Variants in IL1RAPL1 observed in about 807,000 individuals in gnomAD.
The protein encoded by IL1RAPL1 is interleukin-1 receptor accessory protein-like 1.
A neutral mutation model predicts 48.4 loss-of-function variants in IL1RAPL1; 3 were observed. The ratio of observed to expected loss-of-function variants is 0.06; its 90% confidence interval spans 0.03 to 0.16. The LOEUF is 0.16. Among genes scored for constraint, IL1RAPL1 ranks in the 10% least tolerant of loss-of-function variants. The pLI is 1.00. For synonymous variants in IL1RAPL1, 185 were observed against 187.7 expected (o/e 0.99, Z 0.12); for missense variants, 349 against 530.6 (o/e 0.66, Z 3.36).
At chrX:29,942,744 C>T (rs1933152087) in intron 9 of IL1RAPL1, among the ~76,000 whole-genome samples, 1 of 109,087 alleles carries the variant, frequency 9.2e-6, no homozygotes, top group Non-Finnish European at 1.9e-5. Flanking sequence ...TTCAACCTCC[C>T]GAGTAGCTGG....
At chrX:29,003,051 T>G (rs759117849) in intron 2 of IL1RAPL1, among the ~76,000 whole-genome samples, 1 of 110,670 alleles carries the variant, frequency 9.0e-6, no homozygotes, top group African/African-American at 3.3e-5. Context: ...CCTAGGAGAA[T>G]AATAAATATA....
chrX:29,531,518 G>A (rs748701219), intron 5 of IL1RAPL1, among the ~76,000 whole-genome samples: 1 of 111,986 alleles, frequency 8.9e-6, no homozygotes, highest in African/African-American at 3.2e-5. Flanking sequence ...TTTAAATCAA[G>A]TCATGGTCTT....
chrX:29,475,077 T>TA (rs752390653), intron 5 of IL1RAPL1, among the ~76,000 whole-genome samples: 34 of 112,496 alleles, frequency 3.0e-4, no homozygotes, highest in African/African-American at 1.0e-3. Context: ...GCTCCAGAAA[T>TA]ATTTGTTACG....
At chrX:29,191,863 T>C (rs931546905) in intron 2 of IL1RAPL1, among the ~76,000 whole-genome samples, 2 of 111,734 alleles carry the variant, frequency 1.8e-5, no homozygotes, top group African/African-American at 3.3e-5. Context: ...TGCTGAGGCA[T>C]GTGGCCCTTA....
At chrX:29,788,814 G>A (rs1264193441) in intron 6 of IL1RAPL1, among the ~76,000 whole-genome samples, 1 of 111,494 alleles carries the variant, frequency 9.0e-6, no homozygotes, top group Non-Finnish European at 1.9e-5. Flanking sequence ...ATACTTAAAT[G>A]GTCAAACCAA....
At chrX:29,449,780 C>CACACACAGAGAGAGAGAG (rs557765024) in intron 5 of IL1RAPL1, among the ~76,000 whole-genome samples, 17 of 58,247 alleles carry the variant, frequency 2.9e-4, no homozygotes, top group African/African-American at 1.1e-3. Context: ...CACACACACA[C>CACACACAGAGAGAGAGAG]AGAGAGAGAG....
intron 1 of IL1RAPL1, among the ~76,000 whole-genome samples, chrX:28,763,253 C>T (rs1459065312): frequency 1.8e-5 from 2 of 111,110 alleles, no homozygotes; most frequent in South Asian, 3.8e-4. Flanking sequence ...GCTGAGCAGC[C>T]GAAAACAATG....
At chrX:29,558,032 A>T (rs1922062269) in intron 5 of IL1RAPL1, among the ~76,000 whole-genome samples, 1 of 111,518 alleles carries the variant, frequency 9.0e-6, no homozygotes, top group Non-Finnish European at 1.9e-5. Context: ...CACTGATCTC[A>T]TTTCCTTTGG....
intron 2 of IL1RAPL1, among the ~76,000 whole-genome samples, chrX:29,039,614 C>T (rs16988416): frequency 0.021 from 2,318 of 109,938 alleles, 59 homozygotes; most frequent in African/African-American, 0.072. Flanking sequence ...CTACTTTGTC[C>T]CCTTTGTGCT....
chrX:29,319,554 G>GTATC (rs529502758), intron 3 of IL1RAPL1, among the ~76,000 whole-genome samples: 4,079 of 84,692 alleles, frequency 0.048, 188 homozygotes, highest in East Asian at 0.19. Context: ...ATGTATGTAT[G>GTATC]TATGTATCTA....
intron 5 of IL1RAPL1, among the ~76,000 whole-genome samples, chrX:29,650,925 A>G: frequency 9.0e-6 from 1 of 111,160 alleles, no homozygotes; most frequent in East Asian, 2.8e-4. Context: ...AAACAACTCA[A>G]TAGAAAAAAG....
chrX:29,205,551 A>G (rs1930646411), intron 2 of IL1RAPL1, among the ~76,000 whole-genome samples: 1 of 110,735 alleles, frequency 9.0e-6, no homozygotes, highest in African/African-American at 3.3e-5. Context: ...CAACTGTATA[A>G]CATTATCAAA....
intron 1 of IL1RAPL1, among the ~76,000 whole-genome samples, chrX:28,762,784 GCGCA>G (rs1936187633): frequency 1.8e-5 from 1 of 54,374 alleles, no homozygotes; most frequent in Admixed American, 2.4e-4. Context: ...ACGCACGCGC[GCGCA>G]CACACACACA....
At chrX:29,626,200 T>C (rs1206514393) in intron 5 of IL1RAPL1, among the ~76,000 whole-genome samples, 1 of 112,408 alleles carries the variant, frequency 8.9e-6, no homozygotes, top group East Asian at 2.8e-4. Flanking sequence ...ATTACTCATA[T>C]TGAGATACAA....
intron 3 of IL1RAPL1, among the ~76,000 whole-genome samples, chrX:29,376,373 G>GTTT (rs200402677): frequency 9.4e-6 from 1 of 106,362 alleles, no homozygotes. Context: ...TATTTGTATA[G>GTTT]TTTTATTTTT....
At chrX:28,817,989 T>C (rs576540576) in intron 2 of IL1RAPL1, among the ~76,000 whole-genome samples, 2 of 110,929 alleles carry the variant, frequency 1.8e-5, no homozygotes, top group Middle Eastern at 4.6e-3. Flanking sequence ...ATAATTTTCA[T>C]GACTGTCTGA....
chrX:29,545,714 ATTTAT>A lies in IL1RAPL1; in HGVS notation c.704-122713_704-122709del, dbSNP rs1376484534. On this transcript the variant is annotated intron_variant, in intron 5 of 10. Transcript: ENST00000378993. ...TATTCCATTGTATGTACATCCTCCA[ATTTAT>A]TTATTCATTTTGGTGTCGAGCATTT... Among the ~76,000 whole-genome samples, 4 of 111,664 alleles carry A rather than the reference ATTTAT, an allele frequency of 3.6e-5. No homozygotes were observed. In the South Asian group the frequency reaches 1.5e-3, roughly 42 times the overall value.
At chrX:29,743,919 G>A (rs530768998) in intron 6 of IL1RAPL1, among the ~76,000 whole-genome samples, 2 of 112,220 alleles carry the variant, frequency 1.8e-5, no homozygotes, top group South Asian at 3.7e-4. Flanking sequence ...TGAGGAGGAA[G>A]GAGCCAGTGC....
intron 1 of IL1RAPL1, among the ~76,000 whole-genome samples, chrX:28,700,800 G>A (rs1392133203): frequency 1.8e-5 from 2 of 110,681 alleles, no homozygotes; most frequent in Admixed American, 9.7e-5. Flanking sequence ...GAGAACATGC[G>A]GTGTTTGATT....
Sources: allele counts gnomAD v4.1 joint callset (sites outside exome capture counted in the v4.1 genomes callset), GRCh38; gene constraint gnomAD v4.1.1; transcripts MANE v1.5; gene names NCBI Gene and HGNC (gene_info 2026-07-23, HGNC 2026-07-21).